LOC400499: variants seen among roughly 807,000 people sequenced by gnomAD.
the LOC400499 span, chr16:11,523,476 G>C: frequency 5.8e-5 from 23 of 398,606 alleles, no homozygotes; most frequent in Non-Finnish European, 8.4e-5. Context: ...TGGAATTTCT[G>C]AAATCGCAAA....
At chr16:11,396,660 C>T in the LOC400499 span, 7 of 1,231,762 alleles carry the variant, frequency 5.7e-6, no homozygotes, top group South Asian at 4.1e-5. Context: ...GTGTGCTCCC[C>T]GACGACCAAG....
the LOC400499 span, chr16:11,449,226 A>G: frequency 2.2e-6 from 2 of 894,416 alleles, no homozygotes; most frequent in East Asian, 2.9e-5. Flanking sequence ...AACCCCTTCA[A>G]TGCCATTTCT....
At chr16:11,478,826 C>A in the LOC400499 span, 14 of 397,302 alleles carry the variant, frequency 3.5e-5, no homozygotes, top group African/African-American at 6.2e-5. Flanking sequence ...TGGGAGATGA[C>A]TGAATCATGG....
the LOC400499 span, among the ~76,000 whole-genome samples, chr16:11,436,633 G>C: frequency 1.3e-5 from 2 of 151,948 alleles, no homozygotes; most frequent in Non-Finnish European, 2.9e-5. Flanking sequence ...TGTCACCCAG[G>C]CTGGAGTGCA....
At chr16:11,510,523 C>A in the LOC400499 span, among the ~76,000 whole-genome samples, 1 of 151,708 alleles carries the variant, frequency 6.6e-6, no homozygotes, top group African/African-American at 2.4e-5. Context: ...GGCTGTCATG[C>A]AGCTGTTTAA....
the LOC400499 span, among the ~76,000 whole-genome samples, chr16:11,490,717 C>CA: frequency 6.6e-6 from 1 of 152,040 alleles, no homozygotes; most frequent in African/African-American, 2.4e-5. Context: ...CAAAACAAAA[C>CA]AAAAAAGCCA....
At chr16:11,384,552 C>T in the LOC400499 span, among the ~76,000 whole-genome samples, 2 of 152,186 alleles carry the variant, frequency 1.3e-5, no homozygotes, top group Non-Finnish European at 2.9e-5. Context: ...TGTGTATCCC[C>T]CGTCCCCTCC....
chr16:11,481,681 G>A, the LOC400499 span, among the ~76,000 whole-genome samples: 1 of 150,758 alleles, frequency 6.6e-6, no homozygotes, highest in African/African-American at 2.4e-5. Context: ...CACTCAGGCT[G>A]GAGTGCAGTG....
chr16:11,412,723 G>A, the LOC400499 span: 6 of 396,552 alleles, frequency 1.5e-5, no homozygotes, highest in Admixed American at 4.4e-5. Context: ...CCCTGCCCTT[G>A]TTTATGCAGC....
chr16:11,516,073 C>A, the LOC400499 span: 1 of 399,560 alleles, frequency 2.5e-6, no homozygotes, highest in Non-Finnish European at 4.4e-6. Flanking sequence ...CCTGGGCAGA[C>A]AGGGTTGGGG....
the LOC400499 span, chr16:11,485,222 G>A: frequency 2.5e-6 from 1 of 397,306 alleles, no homozygotes; most frequent in African/African-American, 2.1e-5. Flanking sequence ...GAGGTTCGGG[G>A]ACACAACCTT....
At chr16:11,519,742 G>T in the LOC400499 span, among the ~76,000 whole-genome samples, 1 of 146,048 alleles carries the variant, frequency 6.8e-6, no homozygotes, top group Admixed American at 6.9e-5. Flanking sequence ...TTTTGCTCTT[G>T]TTTTCCAGGC....
chr16:11,437,094 T>C, the LOC400499 span, among the ~76,000 whole-genome samples: 1 of 152,294 alleles, frequency 6.6e-6, no homozygotes, highest in Middle Eastern at 3.4e-3. Flanking sequence ...TCCAACTCTA[T>C]GACATTCTGG....
At chr16:11,513,016 G>C in the LOC400499 span, among the ~76,000 whole-genome samples, 2 of 152,196 alleles carry the variant, frequency 1.3e-5, no homozygotes, top group Non-Finnish European at 2.9e-5. Flanking sequence ...CACACGGCAG[G>C]GGTTCAGGTC....
At chr16:11,494,412 G>A in the LOC400499 span, among the ~76,000 whole-genome samples, 1 of 151,704 alleles carries the variant, frequency 6.6e-6, no homozygotes, top group African/African-American at 2.4e-5. Context: ...GGGCAGGCAG[G>A]AGGGTGAGGA....
chr16:11,389,997 G>A, the LOC400499 span: 5 of 641,584 alleles, frequency 7.8e-6, no homozygotes, highest in African/African-American at 5.6e-5. Flanking sequence ...GAAGCCCCTG[G>A]GCAGGGTGGT....
chr16:11,525,671 A>G, the LOC400499 span, among the ~76,000 whole-genome samples: 2 of 152,172 alleles, frequency 1.3e-5, no homozygotes, highest in Admixed American at 1.3e-4. Flanking sequence ...CATCTGCTTC[A>G]CTGCTCAGCT....
the LOC400499 span, chr16:11,372,787 AG>A: frequency 1.1e-6 from 1 of 922,728 alleles, no homozygotes; most frequent in Non-Finnish European, 1.3e-6. Context: ...CCCTGAGGAG[AG>A]GGGCCCCTGC....
chr16:11,451,442 CG>C, the LOC400499 span, among the ~76,000 whole-genome samples: 1 of 152,000 alleles, frequency 6.6e-6, no homozygotes, highest in Admixed American at 6.6e-5. Context: ...TAGCCAGGCA[CG>C]GTGGTGCTCA....
Sources: allele counts gnomAD v4.1 joint callset (sites outside exome capture counted in the v4.1 genomes callset), GRCh38; gene constraint gnomAD v4.1.1; transcripts MANE v1.5.